CFI: variants seen among roughly 807,000 people sequenced by gnomAD.
CFI encodes the protein complement factor I, also known as C3B/C4B inactivator.
Under a neutral mutation model 78.8 loss-of-function variants are expected in CFI, and 66 were observed. The observed-to-expected ratio is 0.84, with a 90% CI of 0.69 to 1.03. The LOEUF is 1.03. Among genes scored for constraint, CFI ranks in the 50% least tolerant of loss-of-function variants. The probability of loss-of-function intolerance (pLI) is 0.00; values close to 1 mark genes in which losing one functional copy is unlikely to be tolerated. For missense variants in CFI, 706 were observed against 704.5 expected, an observed-to-expected ratio of 1.00 and a Z score of -0.02; for synonymous variants, 250 against 232.6, an observed-to-expected ratio of 1.07 and a Z score of -0.68.
chr4:109,801,250 G>T (rs1405512618), intron 1 of CFI, among the ~76,000 whole-genome samples: 1 of 152,148 alleles, frequency 6.6e-6, no homozygotes, highest in Non-Finnish European at 1.5e-5. Context: ...CTAGTGCATT[G>T]CTGCCTTCCT....
chr4:109,746,769 G>A (rs1282290145), intron 10 of CFI, among the ~76,000 whole-genome samples: 2 of 152,152 alleles, frequency 1.3e-5, no homozygotes, highest in Non-Finnish European at 2.9e-5. Context: ...GCCCAAAAGT[G>A]GAATGAGTTT....
chr4:109,738,775 G>A (rs535453420), downstream of CFI, among the ~76,000 whole-genome samples: 26 of 152,302 alleles, frequency 1.7e-4, no homozygotes, highest in South Asian at 4.1e-4. Flanking sequence ...CCCAGCCCAG[G>A]CACCAAACAC....
chr4:109,750,008 T>C (rs1359456355), intron 8 of CFI, among the ~76,000 whole-genome samples: 3 of 152,076 alleles, frequency 2.0e-5, no homozygotes, highest in Non-Finnish European at 4.4e-5. Flanking sequence ...TTCTTTCTTT[T>C]TTTTTTGAGA....
chr4:109,770,248 G>A (rs1008698608), intron 1 of CFI, among the ~76,000 whole-genome samples: 1 of 152,150 alleles, frequency 6.6e-6, no homozygotes, highest in African/African-American at 2.4e-5. Flanking sequence ...TGGGAGGTGA[G>A]GAAGTGGAAG....
intron 1 of CFI, among the ~76,000 whole-genome samples, chr4:109,769,034 T>C (rs917436038): frequency 3.9e-5 from 6 of 152,206 alleles, no homozygotes; most frequent in Non-Finnish European, 7.3e-5. Flanking sequence ...TTGGAATTTT[T>C]GTAATAATTT....
rs1478805666 is a variant in CFI at position 109,766,409 on chromosome 4, A to C, written c.328+145T>G. 5 of 857,678 alleles carry C rather than the reference A, an allele frequency of 5.8e-6. No homozygotes were observed. In the East Asian group the frequency reaches 1.3e-4, roughly 22 times the overall value. The allele number at this position is 857,678 out of a possible 1,614,324, so 53.1% of individuals were successfully genotyped here. The stretch of plus-strand genomic sequence containing the variant: ...CTGGCAACCCCTGATTTGTTTAGTG[A>C]TTACTCCAATTATTATTGAGAGTCT... On this transcript the variant is annotated intron_variant, in intron 2 of 12. Transcript: ENST00000394634.
intron 1 of CFI, among the ~76,000 whole-genome samples, chr4:109,787,601 T>C (rs910562172): frequency 2.6e-5 from 4 of 152,080 alleles, no homozygotes; most frequent in African/African-American, 9.7e-5. Flanking sequence ...CTTTTGTTTT[T>C]TTTTTAATTT....
At chr4:109,732,897 G>A in the CFI span, among the ~76,000 whole-genome samples, 1 of 151,578 alleles carries the variant, frequency 6.6e-6, no homozygotes, top group Non-Finnish European at 1.5e-5. Context: ...TAACAGCAGA[G>A]CATTAAAATA....
At chr4:109,756,403 A>G (rs552319593) in intron 7 of CFI, among the ~76,000 whole-genome samples, 1 of 150,822 alleles carries the variant, frequency 6.6e-6, no homozygotes, top group East Asian at 2.0e-4. Context: ...AGAAGGAGAA[A>G]AGAAGAAGAG....
rs180919580 is a variant in CFI, at chr4:109,754,209, C to G, written c.905-1706G>C. Among the ~76,000 whole-genome samples the G allele has an allele frequency of 5.3e-3, 793 of 150,996 alleles. 3 individuals are homozygous for G. Among genetic ancestry groups the G allele is most frequent in the Non-Finnish European group, 9.1e-3 (615 of 67,806 alleles). On this transcript the variant is annotated intron_variant, in intron 7 of 12. Transcript: ENST00000394634. ...ATATTGGTCAGGCTGGTCTTGAACT[C>G]CTGACCTCGTGATCCACCCGCCTTG...
intron 1 of CFI, among the ~76,000 whole-genome samples, chr4:109,797,180 C>T (rs1323200102): frequency 2.0e-5 from 3 of 152,112 alleles, no homozygotes; most frequent in African/African-American, 4.8e-5. Context: ...CAAAAAATAT[C>T]ACAAAGCTGC....
chr4:109,748,896 G>T (rs1724794844), intron 10 of CFI, among the ~76,000 whole-genome samples: 1 of 152,258 alleles, frequency 6.6e-6, no homozygotes, highest in Non-Finnish European at 1.5e-5. Context: ...AGAAAATATA[G>T]GTAGGCCACA....
the CFI span, among the ~76,000 whole-genome samples, chr4:109,730,998 G>A: frequency 4.6e-5 from 7 of 152,100 alleles, no homozygotes; most frequent in Admixed American, 3.9e-4. Context: ...GTAAATATCT[G>A]GTTATCTTAG....
chr4:109,800,315 TTC>T (rs896120170), intron 1 of CFI, among the ~76,000 whole-genome samples: 2 of 143,986 alleles, frequency 1.4e-5, no homozygotes, highest in Non-Finnish European at 3.0e-5. Context: ...AATATTTGGC[TTC>T]TCTGTTTTTT....
chr4:109,792,216 C>G (rs932295781), intron 1 of CFI, among the ~76,000 whole-genome samples: 2 of 152,132 alleles, frequency 1.3e-5, no homozygotes, highest in African/African-American at 4.8e-5. Context: ...TTCAAGTTCT[C>G]CATTCCTTAT....
chr4:109,788,937 T>C (rs1731052733), intron 1 of CFI, among the ~76,000 whole-genome samples: 1 of 152,000 alleles, frequency 6.6e-6, no homozygotes, highest in Non-Finnish European at 1.5e-5. Flanking sequence ...CCCAGAATTC[T>C]AAAACAGGTG....
rs376413794 is a variant in CFI, at chr4:109,764,128, A to G, written c.482+409T>C. Among the ~76,000 whole-genome samples the G allele has an allele frequency of 1.1e-4, 17 of 150,894 alleles. No individual in the cohort carries two copies. In the East Asian group the frequency reaches 2.5e-3, roughly 22 times the overall value. On this transcript the variant is annotated intron_variant, in intron 3 of 12. Transcript: ENST00000394634. ...TTATCCTAACTATATAGTTTATACTATAACTGTATAGTTTATACTCACTGT... is the reference window on the plus strand; with the variant it reads ...TTATCCTAACTATATAGTTTATACTGTAACTGTATAGTTTATACTCACTGT...
chr4:109,768,983 T>G (rs764553746), intron 1 of CFI, among the ~76,000 whole-genome samples: 15 of 150,584 alleles, frequency 1.0e-4, no homozygotes, highest in Non-Finnish European at 2.2e-4. Context: ...AGTTACGCAC[T>G]TTTCATGGTT....
intron 1 of CFI, among the ~76,000 whole-genome samples, chr4:109,790,255 C>T (rs1006845262): frequency 4.6e-5 from 7 of 151,962 alleles, no homozygotes; most frequent in Admixed American, 3.9e-4. Context: ...TTCCAAAGAA[C>T]GAACTTGTGA....
Sources: gnomAD v4.1 joint callset for allele counts (sites outside exome capture counted in the v4.1 genomes callset) on GRCh38, gnomAD v4.1.1 for gene constraint, MANE v1.5 for transcripts, NCBI Gene and HGNC (gene_info 2026-07-23, HGNC 2026-07-21) for gene names.